The following KCNN1 variants were observed in gnomAD, a reference collection of about 807,000 sequenced individuals.
KCNN1 encodes potassium calcium-activated channel subfamily N member 1, also known as small conductance calcium-activated potassium channel protein 1.
In KCNN1, 20 loss-of-function variants were observed where a neutral mutation model predicts 44.7. That is an observed-to-expected ratio of 0.45 (90% CI 0.32 to 0.65). The LOEUF (loss-of-function observed/expected upper bound fraction) is 0.65. Ranked by LOEUF, KCNN1 falls within the 30% of genes least tolerant of loss-of-function variation. The pLI is 0.05. For missense variants in KCNN1, 632 were observed against 785.3 expected (o/e 0.80, Z 2.33); for synonymous variants, 324 against 341.7 (o/e 0.95, Z 0.57).
intron 3 of KCNN1, among the ~76,000 whole-genome samples, chr19:17,977,344 C>G (rs2032239490): frequency 6.8e-6 from 1 of 147,278 alleles, no homozygotes; most frequent in Admixed American, 6.8e-5. Flanking sequence ...TTAGATGATT[C>G]CACTTTTTTT....
intron 2 of KCNN1, among the ~76,000 whole-genome samples, chr19:17,956,580 A>C (rs957688804): frequency 4.2e-5 from 6 of 144,170 alleles, no homozygotes; most frequent in African/African-American, 1.3e-4. Flanking sequence ...CCATCTCTAC[A>C]ATTTTTTTTT....
rs149853432 is a variant in KCNN1 at position 17,992,826 on chromosome 19, C to A, written c.1299-228C>A. 4.6e-5 allele frequency among the ~76,000 whole-genome samples: 7 copies of A among 152,284 alleles called. No homozygotes were observed. In the East Asian group the frequency reaches 1.4e-3, roughly 29 times the overall value. On this transcript the variant is annotated intron_variant, in intron 7 of 9. Coordinates refer to ENST00000684775, the MANE Select transcript of KCNN1 (RefSeq NM_001386974.1). Reference sequence around the variant, plus strand: ...CATAGTTTTCTGAATGAAACACCGCCTCCGGTGGTGGTGAGAGGACAGGTG... The same window carrying A: ...CATAGTTTTCTGAATGAAACACCGCATCCGGTGGTGGTGAGAGGACAGGTG...
At chr19:17,968,343 G>A (rs1239910926) in intron 1 of KCNN1, among the ~76,000 whole-genome samples, 1 of 150,850 alleles carries the variant, frequency 6.6e-6, no homozygotes. Flanking sequence ...GAAATCAATG[G>A]CATGAAGCTC....
At position 17,983,467 on chromosome 19, in the gene KCNN1, G is replaced by C. The variant is rs113948612; in HGVS notation, c.917+1340G>C. Among the ~76,000 whole-genome samples, 1,246 of 152,220 alleles carry C rather than the reference G, an allele frequency of 8.2e-3. 7 individuals carry two copies. The highest frequency in any genetic ancestry group is 0.027 in the African/African-American group (1,140 of 41,542). On this transcript the variant is annotated intron_variant, in intron 4 of 9. Coordinates refer to ENST00000684775, the MANE Select transcript of KCNN1 (RefSeq NM_001386974.1). The surrounding 1 kb of genome is among the most constrained non-coding windows in gnomAD (Gnocchi z 4.5). ...GTTAAGGCTTCCAGGGCTCTCCTTG[G>C]GCTCTTGATGTTCCCCCATGCAGCT...
Position 17,958,607 on chromosome 19 carries a change from T to C in KCNN1, c.-82+3926T>C, listed in dbSNP as rs540255790. Among the ~76,000 whole-genome samples the C allele has an allele frequency of 6.7e-5, 10 of 150,160 alleles. No homozygotes were observed. The East Asian group carries it at 2.0e-3, about 30-fold the overall frequency. On this transcript the variant is annotated intron_variant, in intron 2 of 10. Transcript: ENST00000222249. ...CTCAAGTGATTCTCGTGCCTTAACC[T>C]CCTGGGTAGCTTGGGACTATAGATA...
intron 1 of KCNN1, 105 bp from the exon 2 acceptor site, chr19:17,973,703 G>A (rs1473518662): frequency 7.5e-7 from 1 of 1,335,122 alleles, no homozygotes; most frequent in Non-Finnish European, 9.8e-7. Flanking sequence ...CAGCACTCTG[G>A]GCCACTCCCA....
At chr19:17,963,376 A>G (rs993475093), upstream of KCNN1, among the ~76,000 whole-genome samples, 6 of 149,762 alleles carry the variant, frequency 4.0e-5, no homozygotes, top group African/African-American at 1.2e-4. Context: ...GCAGTGGCAC[A>G]GTCTTGGCTC....
At chr19:17,966,927 G>A (rs1436451878), upstream of KCNN1, among the ~76,000 whole-genome samples, 3 of 151,582 alleles carry the variant, frequency 2.0e-5, no homozygotes, top group Non-Finnish European at 4.4e-5. Flanking sequence ...CCGTCTTATG[G>A]GGCAAGAGGG....
chr19:17,988,266 A>G, intron 5 of KCNN1, 149 bp from the exon 6 acceptor site: 2 of 622,448 alleles, frequency 3.2e-6, no homozygotes, highest in Non-Finnish European at 5.7e-6. Context: ...ATAGGAAACG[A>G]GTAGACCTGA....
intron 2 of KCNN1, among the ~76,000 whole-genome samples, chr19:17,960,427 C>T (rs995084221): frequency 6.6e-6 from 1 of 151,490 alleles, no homozygotes; most frequent in Non-Finnish European, 1.5e-5. Context: ...GTCAGGAGTT[C>T]GAGACCAGCC....
chr19:17,987,642 C>T (rs1047636759), intron 5 of KCNN1, among the ~76,000 whole-genome samples: 2 of 151,968 alleles, frequency 1.3e-5, no homozygotes, highest in Non-Finnish European at 2.9e-5. Flanking sequence ...GGGTTTCCTC[C>T]GGGAGCCCCT....
intron 1 of KCNN1, among the ~76,000 whole-genome samples, chr19:17,971,469 A>AT (rs557385879): frequency 0.036 from 5,347 of 148,198 alleles, 324 homozygotes; most frequent in African/African-American, 0.12. Flanking sequence ...TATTATTATT[A>AT]TTTTTTTTTT....
intron 3 of KCNN1, among the ~76,000 whole-genome samples, chr19:17,978,067 G>C (rs1275850210): frequency 6.6e-6 from 1 of 151,504 alleles, no homozygotes; most frequent in Non-Finnish European, 1.5e-5. Flanking sequence ...AAATCCCACT[G>C]AATTGTGCAC....
At position 18,000,036 on chromosome 19, in the gene KCNN1, C is replaced by T. The variant is rs749953230; in HGVS notation, c.*1630C>T. 8.8e-6 allele frequency: 4 copies of T among 455,898 alleles called. No individual in the cohort carries two copies. The highest frequency in any genetic ancestry group is 1.3e-5 in the Non-Finnish European group (3 of 226,714). 28.2% of individuals were successfully genotyped at this position (455,898 alleles called of 1,614,324 possible). A position where few individuals can be genotyped will look rare whatever the true frequency, so the allele number is the denominator to read the frequency against. Reference sequence around the variant, plus strand: ...GAACTCCCTAAAAAGGGCCAGGCAACTGGTAGGTGCTCAATAAATGCTCCT... The same window carrying T: ...GAACTCCCTAAAAAGGGCCAGGCAATTGGTAGGTGCTCAATAAATGCTCCT... On this transcript the variant is annotated 3_prime_UTR_variant, in exon 10 of 10. Transcript: ENST00000684775.
At chr19:17,957,980 G>A (rs1472293533) in intron 2 of KCNN1, among the ~76,000 whole-genome samples, 1 of 152,092 alleles carries the variant, frequency 6.6e-6, no homozygotes, top group Non-Finnish European at 1.5e-5. Flanking sequence ...ATGAAATGTG[G>A]CCAGGTTTCC....
upstream of KCNN1, among the ~76,000 whole-genome samples, chr19:17,962,400 C>T (rs558300115): frequency 7.9e-5 from 12 of 152,256 alleles, no homozygotes; most frequent in African/African-American, 2.9e-4. Flanking sequence ...CTTTTTCCTC[C>T]GTGTTCTGTC....
At chr19:17,963,044 CAA>C (rs2145906982), upstream of KCNN1, among the ~76,000 whole-genome samples, 1 of 117,166 alleles carries the variant, frequency 8.5e-6, no homozygotes, top group South Asian at 2.9e-4. Flanking sequence ...CTTGCTCTGT[CAA>C]GCCCAGGCTG....
chr19:17,975,464 A>T (rs943252594), intron 3 of KCNN1, among the ~76,000 whole-genome samples: 15 of 152,350 alleles, frequency 9.8e-5, no homozygotes, highest in Admixed American at 9.8e-4. Flanking sequence ...GGTTGTTTCC[A>T]GGCTGGAGTG....
At chr19:17,966,015 GCCTGCCTGCCTTCCTTCCTTCCTTCCTT>G (rs1169342332), upstream of KCNN1, among the ~76,000 whole-genome samples, 10 of 124,478 alleles carry the variant, frequency 8.0e-5, no homozygotes, top group African/African-American at 9.7e-5. Context: ...CTGCCTGCCT[GCCTGCCTGCCTTCCTTCCTTCCTTCCTT>G]CCTTCCTTCC....
Sources: gnomAD v4.1 joint callset for allele counts (sites outside exome capture counted in the v4.1 genomes callset) on GRCh38, gnomAD v4.1.1 for gene constraint, Gnocchi (gnomAD v3.1) non-coding constraint, MANE v1.5 for transcripts, NCBI Gene and HGNC (gene_info 2026-07-23, HGNC 2026-07-21) for gene names.